RAF1: variants seen among roughly 807,000 people sequenced by gnomAD.
The protein encoded by RAF1 is Raf-1 proto-oncogene, serine/threonine kinase.
In RAF1, 27 loss-of-function variants were observed where a neutral mutation model predicts 81.1. The observed-to-expected ratio is 0.33, with a 90% CI of 0.25 to 0.46. The LOEUF (loss-of-function observed/expected upper bound fraction) is 0.46, where lower values mean the gene tolerates loss of function less well. Ranked by LOEUF, RAF1 falls within the 20% of genes least tolerant of loss-of-function variation. The pLI, the probability that RAF1 is intolerant of heterozygous loss-of-function variation, is 1.00. For synonymous variants in RAF1, 298 were observed against 294.0 expected (o/e 1.01, Z -0.14); for missense variants, 598 against 826.0 (o/e 0.72, Z 3.38).
At position 12,583,668 on chromosome 3, in the gene RAF1, G is replaced by T. The variant is rs2058212389; in HGVS notation, c.*846C>A. On this transcript the variant is annotated 3_prime_UTR_variant, in exon 18 of 18. Coordinates refer to ENST00000442415, the MANE Select transcript of RAF1 (RefSeq NM_001354689.3). ...AGGGACCATCAGATAACTGTATTTT[G>T]TCAGGTGCAATAAAAACAAAATTAA... 4.3e-6 allele frequency: 1 copy of T among 233,122 alleles called. No homozygotes were observed. The highest frequency in any genetic ancestry group is 8.5e-6 in the Non-Finnish European group (1 of 117,974). 14.4% of individuals were successfully genotyped at this position (233,122 alleles called of 1,614,324 possible). A position where few individuals can be genotyped will look rare whatever the true frequency, so the allele number is the denominator to read the frequency against.
chr3:12,600,563 G>C (rs557024108), intron 8 of RAF1, 148 bp from the exon 8 acceptor site: 2 of 871,554 alleles, frequency 2.3e-6, no homozygotes, highest in South Asian at 3.1e-5. Context: ...TCTAATCAAC[G>C]TTCCTTGATT....
intron 1 of RAF1, among the ~76,000 whole-genome samples, chr3:12,650,665 A>G (rs2060494106): frequency 6.6e-6 from 1 of 152,200 alleles, no homozygotes; most frequent in African/African-American, 2.4e-5. Context: ...TGAGGAATAT[A>G]AAGTTCAGGG....
intron 1 of RAF1, among the ~76,000 whole-genome samples, chr3:12,654,079 A>G (rs1002228598): frequency 9.9e-5 from 15 of 151,594 alleles, no homozygotes; most frequent in African/African-American, 3.4e-4. Flanking sequence ...GCAGCCTCCA[A>G]TTCCTGGACT....
At chr3:12,659,193 C>T (rs1403116652) in intron 1 of RAF1, among the ~76,000 whole-genome samples, 2 of 151,752 alleles carry the variant, frequency 1.3e-5, no homozygotes, top group Non-Finnish European at 2.9e-5. Flanking sequence ...TTTGGGAAGC[C>T]GAGGCAGGTG....
In RAF1 at chr3:12,635,243, C is replaced by T. The variant is rs1278291572; in HGVS notation, c.-26-16496G>A. ...CTGACGCAGGAGAATTGCTTGAAACCGGGAGGCGGAGGTTGCAGTAAACCG... is the reference window on the plus strand; with the variant it reads ...CTGACGCAGGAGAATTGCTTGAAACTGGGAGGCGGAGGTTGCAGTAAACCG... On this transcript the variant is annotated intron_variant, in intron 1 of 17. Coordinates refer to ENST00000442415, the MANE Select transcript of RAF1 (RefSeq NM_001354689.3). Among the ~76,000 whole-genome samples, 9 of 137,920 alleles carry T rather than the reference C, an allele frequency of 6.5e-5. No individual in the cohort carries two copies. The East Asian group carries it at 1.9e-3, about 29-fold the overall frequency. The allele number at this position is 137,920 out of a possible 152,430, so 90.5% of individuals were successfully genotyped here. A position where few individuals can be genotyped will look rare whatever the true frequency, so the allele number is the denominator to read the frequency against.
chr3:12,633,269 C>G (rs1390242733), intron 1 of RAF1, among the ~76,000 whole-genome samples: 2 of 151,668 alleles, frequency 1.3e-5, no homozygotes, highest in Non-Finnish European at 2.9e-5. Context: ...TCACTTGAAC[C>G]CAGGAGTTCA....
At position 12,625,774 on chromosome 3, in the gene RAF1, G is replaced by A. The variant is rs140287369; in HGVS notation, c.-26-7027C>T. ...GAGTTCGAGGCTGTAGTGCATGACT[G>A]CACCTGTGAAGAGCCACTGAAGTCC... On this transcript the variant is annotated intron_variant, in intron 1 of 17. Transcript: ENST00000442415. Among the ~76,000 whole-genome samples the A allele has an allele frequency of 4.7e-3, 722 of 152,096 alleles. 8 individuals are homozygous for A. The highest frequency in any genetic ancestry group is 0.016 in the African/African-American group (669 of 41,456).
In RAF1 at chr3:12,584,990, A is replaced by G; in HGVS notation, c.1729-9T>C. On this transcript the variant is annotated splice_polypyrimidine_tract_variant and intron_variant, in intron 16 of 17. Transcript: ENST00000442415. ...CCCACCATGAAGATGATCTAAGGGA[A>G]AGAAAACAGCTGAGCTAATGGGGGG... is the stretch of plus-strand genomic sequence containing the variant. 6.2e-7 allele frequency: 1 copy of G among 1,614,152 alleles called. No homozygotes were observed. The highest frequency in any genetic ancestry group is 8.5e-7 in the Non-Finnish European group (1 of 1,180,020).
intron 11 of RAF1, among the ~76,000 whole-genome samples, chr3:12,594,114 A>C (rs1345789649): frequency 2.0e-5 from 3 of 152,150 alleles, no homozygotes; most frequent in Non-Finnish European, 4.4e-5. Context: ...TGTAGGAGAG[A>C]AAGAGGGAGA....
intron 1 of RAF1, among the ~76,000 whole-genome samples, chr3:12,644,552 CTTAGGGT>C (rs1461377222): frequency 1.3e-5 from 2 of 152,152 alleles, no homozygotes; most frequent in African/African-American, 4.8e-5. Flanking sequence ...GCTGGACAAA[CTTAGGGT>C]TAAGGATGAC....
chr3:12,609,172 ATC>A (rs1046508118), intron 4 of RAF1, 59 bp downstream of exon 4: 11 of 1,300,308 alleles, frequency 8.5e-6, no homozygotes, highest in East Asian at 2.3e-5. Flanking sequence ...TACCTGAGAA[ATC>A]TCTGTTATGC....
chr3:12,627,693 C>A (rs2059745257), intron 1 of RAF1, among the ~76,000 whole-genome samples: 1 of 151,186 alleles, frequency 6.6e-6, no homozygotes. Context: ...CATCATTCTG[C>A]CACCTGGACT....
chr3:12,644,305 T>C (rs1267915634), intron 1 of RAF1, among the ~76,000 whole-genome samples: 1 of 152,170 alleles, frequency 6.6e-6, no homozygotes, highest in Admixed American at 6.5e-5. Context: ...GGCATAAATG[T>C]TTCAGTGAAA....
chr3:12,626,285 A>AT (rs1156906011), intron 1 of RAF1, among the ~76,000 whole-genome samples: 28 of 150,264 alleles, frequency 1.9e-4, no homozygotes, highest in South Asian at 1.3e-3. Flanking sequence ...TAAAAAAAAA[A>AT]TTTTTTTTAA....
chr3:12,638,457 T>C (rs2060091381), intron 1 of RAF1, among the ~76,000 whole-genome samples: 1 of 152,166 alleles, frequency 6.6e-6, no homozygotes, highest in South Asian at 2.1e-4. Context: ...CAGTCAGTCA[T>C]CTAACAGTTC....
At chr3:12,625,219 G>A (rs2059668189) in intron 1 of RAF1, among the ~76,000 whole-genome samples, 1 of 151,984 alleles carries the variant, frequency 6.6e-6, no homozygotes. Flanking sequence ...AAGTAGCTGG[G>A]ATCACAGGCA....
intron 1 of RAF1, among the ~76,000 whole-genome samples, chr3:12,618,994 C>A (rs2059464500): frequency 6.6e-6 from 1 of 152,172 alleles, no homozygotes; most frequent in Non-Finnish European, 1.5e-5. Context: ...GCCTGTAATC[C>A]CAGCACTTTG....
rs367803609 is a variant in RAF1 at position 12,585,110 on chromosome 3, G to A, written c.1728+12C>T. The A allele has an allele frequency of 5.0e-6, 8 of 1,614,032 alleles. No homozygotes were observed. The highest frequency in any genetic ancestry group is 1.1e-5 in the South Asian group (1 of 91,086). On this transcript the variant is annotated intron_variant, in intron 16 of 17. Coordinates refer to ENST00000442415, the MANE Select transcript of RAF1 (RefSeq NM_001354689.3). ...CCACGAGTTGGGTCCTTTCGCACCA[G>A]CACAGACTTACCTGATCTCGGTTGT...
At chr3:12,654,194 C>A (rs1473495192) in intron 1 of RAF1, among the ~76,000 whole-genome samples, 1 of 152,074 alleles carries the variant, frequency 6.6e-6, no homozygotes, top group South Asian at 2.1e-4. Flanking sequence ...CACTATGATG[C>A]CCAGGCTGGT....
Sources: allele counts gnomAD v4.1 joint callset (sites outside exome capture counted in the v4.1 genomes callset), GRCh38; gene constraint gnomAD v4.1.1; transcripts MANE v1.5; gene names NCBI Gene and HGNC (gene_info 2026-07-23, HGNC 2026-07-21).